The following HTR7 variants were observed in gnomAD, a reference collection of about 807,000 sequenced individuals.
HTR7 encodes the protein 5-hydroxytryptamine receptor 7.
HTR7 carries 16 observed loss-of-function variants against 34.0 expected under a neutral mutation model. The ratio of observed to expected loss-of-function variants is 0.47; its 90% CI spans 0.32 to 0.71. The LOEUF (loss-of-function observed/expected upper bound fraction) is 0.71, where lower values mean the gene tolerates loss of function less well. HTR7 is among the 30% of genes least tolerant of loss of function. HTR7 has a pLI of 0.04. For synonymous variants in HTR7, 265 were observed against 260.2 expected, an observed-to-expected ratio of 1.02 and a Z score of -0.18; for missense variants, 504 against 625.5, an observed-to-expected ratio of 0.81 and a Z score of 2.07.
chr10:90,763,712 C>T (rs926282650), intron 1 of HTR7, among the ~76,000 whole-genome samples: 5 of 152,118 alleles, frequency 3.3e-5, no homozygotes, highest in African/African-American at 1.2e-4. Context: ...TGAGAACATG[C>T]AGTGTTTGGT....
intron 1 of HTR7, among the ~76,000 whole-genome samples, chr10:90,774,704 G>A (rs1845176812): frequency 6.6e-6 from 1 of 152,170 alleles, no homozygotes; most frequent in Non-Finnish European, 1.5e-5. Context: ...GCCATCCTCA[G>A]TGCATGGGCC....
chr10:90,841,452 C>T (rs1846328625), intron 1 of HTR7, among the ~76,000 whole-genome samples: 1 of 152,140 alleles, frequency 6.6e-6, no homozygotes, highest in Non-Finnish European at 1.5e-5. Flanking sequence ...AGGCTGTGTT[C>T]CTTTCTGGAG....
chr10:90,831,700 T>C (rs1284922122), intron 1 of HTR7, among the ~76,000 whole-genome samples: 1 of 152,188 alleles, frequency 6.6e-6, no homozygotes, highest in Admixed American at 6.5e-5. Context: ...TGGTCCGTTT[T>C]GACAGGGTGC....
At chr10:90,815,417 T>C (rs1346164811) in intron 1 of HTR7, among the ~76,000 whole-genome samples, 1 of 152,242 alleles carries the variant, frequency 6.6e-6, no homozygotes, top group Non-Finnish European at 1.5e-5. Context: ...TGATTGTGTC[T>C]TCTTTACCTA....
intron 1 of HTR7, among the ~76,000 whole-genome samples, chr10:90,821,112 TCACACAAACACACA>T (rs1471014530): frequency 7.4e-6 from 1 of 135,104 alleles, no homozygotes; most frequent in Non-Finnish European, 1.5e-5. Flanking sequence ...ATCTACACAC[TCACACAAACACACA>T]CACACATGCA....
intron 2 of HTR7, among the ~76,000 whole-genome samples, chr10:90,746,848 G>T (rs1844646019): frequency 6.6e-6 from 1 of 152,076 alleles, no homozygotes; most frequent in Admixed American, 6.6e-5. Context: ...CTTCATCTGA[G>T]AAACTACTAA....
chr10:90,769,452 T>C (rs1845073445), intron 1 of HTR7, among the ~76,000 whole-genome samples: 1 of 152,262 alleles, frequency 6.6e-6, no homozygotes, highest in African/African-American at 2.4e-5. Flanking sequence ...TTTAAATGCA[T>C]GTTATATGTG....
intron 1 of HTR7, among the ~76,000 whole-genome samples, chr10:90,846,919 A>T (rs1334693723): frequency 6.6e-6 from 1 of 152,166 alleles, no homozygotes. Context: ...TGCTTCTCCT[A>T]TGCTATTCCC....
Position 90,857,498 on chromosome 10 carries a change from G to C in HTR7, c.174C>G (p.Pro58=). 1.2e-6 allele frequency: 2 copies of C among 1,612,964 alleles called. No individual in the cohort carries two copies. Among genetic ancestry groups the C allele is most frequent in the Non-Finnish European group, 1.7e-6 (2 of 1,179,876 alleles). Residue 58 remains proline (P), a synonymous_variant, in exon 1 of 4, where the codon CCC becomes CCG. Coordinates refer to ENST00000336152, the MANE Select transcript of HTR7 (RefSeq NM_019859.4). The surrounding 1 kb of genome is among the most constrained non-coding windows in gnomAD (Gnocchi z 6.5). The stretch of plus-strand genomic sequence containing the variant: ...CATTGTCCGGGGGCGCGTCCCAGGT[G>C]GGCGCCGGGCTGGCTGTCACCTCGC... ...LLSEVTASPA[P]TWDAPPDNAS... is the part of the protein sequence containing the mutation.
intron 1 of HTR7, among the ~76,000 whole-genome samples, chr10:90,844,782 G>T (rs542005627): frequency 6.8e-6 from 1 of 147,160 alleles, no homozygotes; most frequent in African/African-American, 2.6e-5. Flanking sequence ...CTGGCTCAGG[G>T]GTTCTCACTC....
chr10:90,782,261 T>C (rs1468573229), intron 1 of HTR7, among the ~76,000 whole-genome samples: 1 of 152,154 alleles, frequency 6.6e-6, no homozygotes, highest in Non-Finnish European at 1.5e-5. Flanking sequence ...CATTCAGAAA[T>C]GTGTGCTCAG....
At chr10:90,848,868 T>A (rs910285029) in intron 1 of HTR7, among the ~76,000 whole-genome samples, 2 of 152,202 alleles carry the variant, frequency 1.3e-5, no homozygotes, top group African/African-American at 4.8e-5. Context: ...TTATGTGAAC[T>A]GTAAATTCTT....
chr10:90,770,234 A>G (rs953969052), intron 1 of HTR7, among the ~76,000 whole-genome samples: 1 of 152,112 alleles, frequency 6.6e-6, no homozygotes, highest in African/African-American at 2.4e-5. Context: ...GGAGGGAGCC[A>G]GGGATAAGAG....
At chr10:90,843,560 G>A (rs1304496819) in intron 1 of HTR7, among the ~76,000 whole-genome samples, 1 of 152,220 alleles carries the variant, frequency 6.6e-6, no homozygotes, top group East Asian at 1.9e-4. Flanking sequence ...GAATAGATGT[G>A]TGAAGACCCA....
At chr10:90,807,669 C>A (rs1021139270) in intron 1 of HTR7, among the ~76,000 whole-genome samples, 1 of 152,230 alleles carries the variant, frequency 6.6e-6, no homozygotes, top group African/African-American at 2.4e-5. Context: ...CCGCAGGCAC[C>A]CAGGTGATTA....
intron 2 of HTR7, among the ~76,000 whole-genome samples, chr10:90,746,830 C>T (rs986253221): frequency 1.3e-5 from 2 of 152,188 alleles, no homozygotes; most frequent in African/African-American, 4.8e-5. Flanking sequence ...ATATCCTTGC[C>T]TTATTTCCTT....
intron 1 of HTR7, among the ~76,000 whole-genome samples, chr10:90,807,661 G>A (rs771029342): frequency 9.2e-5 from 14 of 152,236 alleles, no homozygotes; most frequent in South Asian, 2.1e-4. Context: ...GACTCAGCCC[G>A]CAGGCACCCA....
chr10:90,775,238 A>T (rs1845187858), intron 1 of HTR7, among the ~76,000 whole-genome samples: 1 of 152,166 alleles, frequency 6.6e-6, no homozygotes, highest in Non-Finnish European at 1.5e-5. Context: ...CTTCGAGGCA[A>T]TAGTGATAGG....
At chr10:90,806,681 C>T (rs963144943) in intron 1 of HTR7, among the ~76,000 whole-genome samples, 1 of 152,076 alleles carries the variant, frequency 6.6e-6, no homozygotes, top group African/African-American at 2.4e-5. Context: ...TGGAGTTTAG[C>T]AATGGATCCA....
Sources: allele counts gnomAD v4.1 joint callset (sites outside exome capture counted in the v4.1 genomes callset), GRCh38; gene constraint gnomAD v4.1.1; non-coding constraint Gnocchi (gnomAD v3.1); transcripts MANE v1.5; gene names NCBI Gene and HGNC (gene_info 2026-07-23, HGNC 2026-07-21).